The following GEMIN2 variants were observed in gnomAD, a reference collection of about 807,000 sequenced individuals.
GEMIN2 encodes the protein gem nuclear organelle associated protein 2.
In GEMIN2, 37 loss-of-function variants were observed where a neutral mutation model predicts 45.8. The observed-to-expected ratio is 0.81, with a 90% CI of 0.62 to 1.06. GEMIN2 has a LOEUF of 1.06. Ranked by LOEUF, GEMIN2 falls within the 50% of genes least tolerant of loss-of-function variation. The probability of loss-of-function intolerance (pLI) is 0.00; values close to 1 mark genes in which losing one functional copy is unlikely to be tolerated. For missense variants in GEMIN2, 335 were observed against 321.8 expected (o/e 1.04, Z -0.31); for synonymous variants, 101 against 111.5 (o/e 0.91, Z 0.60).
At chr14:39,115,628 T>C (rs563921816) in intron 2 of GEMIN2, among the ~76,000 whole-genome samples, 64 of 152,084 alleles carry the variant, frequency 4.2e-4, no homozygotes, top group African/African-American at 1.4e-3. Context: ...GGCTAATTTT[T>C]GTATTTTTAG....
intron 6 of GEMIN2, among the ~76,000 whole-genome samples, chr14:39,125,478 T>A (rs899190675): frequency 1.3e-5 from 2 of 152,148 alleles, no homozygotes; most frequent in African/African-American, 2.4e-5. Context: ...CTAATTTTTG[T>A]ATTTTCAGTA....
intron 2 of GEMIN2, among the ~76,000 whole-genome samples, chr14:39,117,047 C>G (rs191498094): frequency 6.6e-6 from 1 of 152,080 alleles, no homozygotes; most frequent in South Asian, 2.1e-4. Context: ...CCAAGTCAGG[C>G]GGATCACCTG....
chr14:39,114,982 G>A, intron 2 of GEMIN2, 69 bp downstream of exon 2: 1 of 765,502 alleles, frequency 1.3e-6, no homozygotes, highest in Admixed American at 2.0e-5. Flanking sequence ...TCTTCCTATA[G>A]TATCTGACAG....
At chr14:39,134,623 C>A (rs1270709865) in intron 9 of GEMIN2, among the ~76,000 whole-genome samples, 1 of 152,112 alleles carries the variant, frequency 6.6e-6, no homozygotes, top group Non-Finnish European at 1.5e-5. Flanking sequence ...AATTATGCTG[C>A]TGATGATAAT....
At chr14:39,133,334 T>G (rs930774555) in intron 8 of GEMIN2, among the ~76,000 whole-genome samples, 6 of 148,580 alleles carry the variant, frequency 4.0e-5, no homozygotes, top group African/African-American at 7.4e-5. Context: ...TATATATATA[T>G]TCATCACTGT....
At chr14:39,127,343 T>G (rs990353124) in intron 6 of GEMIN2, among the ~76,000 whole-genome samples, 8 of 135,846 alleles carry the variant, frequency 5.9e-5, no homozygotes, top group East Asian at 4.4e-4. Context: ...ATTGTTTTTT[T>G]TTTTTTTTTT....
chr14:39,122,758 G>T, intron 5 of GEMIN2: 1 of 368,836 alleles, frequency 2.7e-6, no homozygotes, highest in Admixed American at 4.6e-5. Context: ...TAAAATATTT[G>T]CTGTCTGACT....
At chr14:39,128,222 T>G in intron 6 of GEMIN2, 58 bp from the exon 7 acceptor site, 3 of 935,172 alleles carry the variant, frequency 3.2e-6, no homozygotes, top group Non-Finnish European at 3.4e-6. Flanking sequence ...GAAACTCATG[T>G]TGAATTCATG....
At chr14:39,124,892 G>T in intron 5 of GEMIN2, 100 bp from the exon 6 acceptor site, 4 of 655,908 alleles carry the variant, frequency 6.1e-6, no homozygotes, top group East Asian at 2.5e-5. Context: ...TTTGTTCTTT[G>T]TTTCTAAACA....
chr14:39,120,080 A>T (rs2139336719), intron 4 of GEMIN2, among the ~76,000 whole-genome samples: 1 of 152,358 alleles, frequency 6.6e-6, no homozygotes, highest in East Asian at 1.9e-4. Context: ...AAGCCACATC[A>T]GTAACATTAT....
At chr14:39,136,343 A>C in intron 9 of GEMIN2, 97 bp from the exon 10 acceptor site, 1 of 702,722 alleles carries the variant, frequency 1.4e-6, no homozygotes. Flanking sequence ...CCAGTTTCTT[A>C]TTGATGGACG....
At chr14:39,132,133 G>A in intron 8 of GEMIN2, 65 bp downstream of exon 8, 1 of 779,602 alleles carries the variant, frequency 1.3e-6, no homozygotes, top group Admixed American at 2.0e-5. Flanking sequence ...TAAAGAAGGA[G>A]TTCAGTGAAA....
At chr14:39,125,075 G>T in intron 6 of GEMIN2, 39 bp downstream of exon 6, 1 of 960,346 alleles carries the variant, frequency 1.0e-6, no homozygotes, top group South Asian at 1.3e-5. Flanking sequence ...TCTTTTGTTT[G>T]CATTGTGTGT....
At chr14:39,131,515 G>A (rs1431745117) in intron 7 of GEMIN2, among the ~76,000 whole-genome samples, 4 of 152,140 alleles carry the variant, frequency 2.6e-5, no homozygotes, top group Admixed American at 2.6e-4. Context: ...TTATAAAAGT[G>A]TCAAAAGATT....
Position 39,121,999 on chromosome 14 carries a change from G to A in GEMIN2, c.373-431G>A, listed in dbSNP as rs149796409. ...GCCTCCCAAAGTGCTGGGATTACAG[G>A]CGTGAACCACCGCACCCGGCCTAAG... On this transcript the variant is annotated intron_variant, in intron 4 of 9. Transcript: ENST00000308317. 3.9e-4 allele frequency: 67 copies of A among 173,792 alleles called. No homozygotes were observed. The East Asian group carries it at 5.8e-3, about 15-fold the overall frequency. 10.8% of individuals were successfully genotyped at this position (173,792 alleles called of 1,614,324 possible). A position where few individuals can be genotyped will look rare whatever the true frequency, so the allele number is the denominator to read the frequency against.
intron 7 of GEMIN2, among the ~76,000 whole-genome samples, chr14:39,130,679 A>T (rs1348437150): frequency 3.3e-5 from 5 of 152,126 alleles, no homozygotes; most frequent in African/African-American, 9.7e-5. Context: ...GGATCACTTG[A>T]GGTCAGGAGT....
chr14:39,134,623 CTGA>C lies in GEMIN2; in HGVS notation c.770+909_770+911del, dbSNP rs375049475. 1.4e-3 allele frequency among the ~76,000 whole-genome samples: 215 copies of C among 152,228 alleles called. 1 individual carries two copies. Among genetic ancestry groups the C allele is most frequent in the Middle Eastern group, 0.01 (3 of 294 alleles). On this transcript the variant is annotated intron_variant, in intron 9 of 9. Coordinates refer to ENST00000308317, the MANE Select transcript of GEMIN2 (RefSeq NM_003616.3). ...TTCTTGATCTACAATAATTATGCTG[CTGA>C]TGATAATTAACATTTACTGGGCAAT...
At chr14:39,119,832 A>G (rs2052554002) in intron 4 of GEMIN2, among the ~76,000 whole-genome samples, 1 of 152,158 alleles carries the variant, frequency 6.6e-6, no homozygotes, top group South Asian at 2.1e-4. Flanking sequence ...TAACTTGTAA[A>G]AGGTATAGCT....
At chr14:39,136,304 A>G (rs2052780462) in intron 9 of GEMIN2, 136 bp from the exon 10 acceptor site, 6 of 594,392 alleles carry the variant, frequency 1.0e-5, no homozygotes, top group Non-Finnish European at 1.8e-5. Flanking sequence ...ATAATTTTCC[A>G]CTATGTAGAC....
Sources: gnomAD v4.1 joint callset for allele counts (sites outside exome capture counted in the v4.1 genomes callset) on GRCh38, gnomAD v4.1.1 for gene constraint, MANE v1.5 for transcripts, NCBI Gene and HGNC (gene_info 2026-07-23, HGNC 2026-07-21) for gene names.